Variants in CALCR observed in about 807,000 individuals in gnomAD.
The protein encoded by CALCR is calcitonin receptor.
In CALCR, 47 loss-of-function variants were observed where a neutral mutation model predicts 59.5. The observed-to-expected ratio is 0.79, with a 90% confidence interval of 0.63 to 1.01. CALCR has a LOEUF of 1.01. Among genes scored for constraint, CALCR ranks in the 50% least tolerant of loss-of-function variants. The probability of loss-of-function intolerance (pLI) is 0.00; values close to 1 mark genes in which losing one functional copy is unlikely to be tolerated. For missense variants in CALCR, 566 were observed against 597.1 expected (o/e 0.95, Z 0.54); for synonymous variants, 213 against 211.3 (o/e 1.01, Z -0.07).
At chr7:93,487,082 T>C in intron 2 of CALCR, 75 bp from the exon 3 acceptor site, 1 of 796,076 alleles carries the variant, frequency 1.3e-6, no homozygotes, top group Non-Finnish European at 2.1e-6. Flanking sequence ...CATTTTCATT[T>C]TTTCTATTTG....
chr7:93,432,920 A>C (rs1799688258), intron 13 of CALCR, among the ~76,000 whole-genome samples: 1 of 152,212 alleles, frequency 6.6e-6, no homozygotes, highest in Admixed American at 6.5e-5. Context: ...TAAAATTCTA[A>C]AAATATTGCC....
rs114324867 is a variant in CALCR, at chr7:93,511,250, G to A, written c.-26-24243C>T. Among the ~76,000 whole-genome samples, 337 of 152,134 alleles carry A rather than the reference G, an allele frequency of 2.2e-3. 5 individuals are homozygous for A. Among genetic ancestry groups the A allele is most frequent in the African/African-American group, 8.0e-3 (334 of 41,514 alleles). Reference sequence around the variant, plus strand: ...TACTTCTGAGTGGGAAGGAATGAATGGTGGATGAGATTGGAGAAGAATTCA... The same window carrying A: ...TACTTCTGAGTGGGAAGGAATGAATAGTGGATGAGATTGGAGAAGAATTCA... On this transcript the variant is annotated intron_variant, in intron 2 of 13. Transcript: ENST00000426151.
At chr7:93,463,294 C>T (rs1220908905) in intron 7 of CALCR, among the ~76,000 whole-genome samples, 3 of 151,500 alleles carry the variant, frequency 2.0e-5, no homozygotes, top group African/African-American at 7.3e-5. Flanking sequence ...AGTACTGTAT[C>T]TCTCTATATA....
At chr7:93,565,316 A>G (rs532636897) in intron 2 of CALCR, among the ~76,000 whole-genome samples, 74 of 152,346 alleles carry the variant, frequency 4.9e-4, no homozygotes, top group African/African-American at 1.7e-3. Context: ...GATATATAGC[A>G]TTACTTCAAA....
intron 8 of CALCR, among the ~76,000 whole-genome samples, chr7:93,460,398 A>T (rs1800290858): frequency 6.6e-6 from 1 of 151,192 alleles, no homozygotes; most frequent in Non-Finnish European, 1.5e-5. Context: ...TACTAAAAAT[A>T]CAAAAAAATT....
intron 8 of CALCR, among the ~76,000 whole-genome samples, chr7:93,458,044 T>C (rs1300500119): frequency 6.6e-6 from 1 of 152,132 alleles, no homozygotes. Context: ...AAGATTAAAT[T>C]AGAGATAAAT....
intron 2 of CALCR, among the ~76,000 whole-genome samples, chr7:93,570,841 A>G (rs771063726): frequency 6.6e-6 from 1 of 152,178 alleles, no homozygotes; most frequent in Non-Finnish European, 1.5e-5. Flanking sequence ...TTTTCTTAAA[A>G]ACAAAACCAA....
chr7:93,445,949 C>T (rs535468335), intron 8 of CALCR, among the ~76,000 whole-genome samples: 4 of 152,034 alleles, frequency 2.6e-5, no homozygotes, highest in East Asian at 1.9e-4. Flanking sequence ...GACATTTGTT[C>T]GTAGTATGAG....
intron 2 of CALCR, among the ~76,000 whole-genome samples, chr7:93,567,257 T>G (rs1339297570): frequency 6.6e-6 from 1 of 152,170 alleles, no homozygotes; most frequent in Non-Finnish European, 1.5e-5. Context: ...GTTGATAACT[T>G]AAAACAAGAA....
Position 93,426,287 on chromosome 7 carries a change from CTTTAAAT to C in CALCR, c.*62_*68del. 1 of 878,478 alleles carries C rather than the reference CTTTAAAT, an allele frequency of 1.1e-6. No individual in the cohort carries two copies. The highest frequency in any genetic ancestry group is 1.9e-6 in the Non-Finnish European group (1 of 518,002). The allele number at this position is 878,478 out of a possible 1,614,324, so 54.4% of individuals were successfully genotyped here. On this transcript the variant is annotated 3_prime_UTR_variant, in exon 14 of 14. Coordinates refer to ENST00000426151, the MANE Select transcript of CALCR (RefSeq NM_001742.4). ...TCGGTTCCTGGGAGGATGGAGAATA[CTTTAAAT>C]GCATGGTCTTTCTCCCAGGAAATGA... is the stretch of plus-strand genomic sequence containing the variant.
intron 12 of CALCR, among the ~76,000 whole-genome samples, chr7:93,435,431 A>G (rs1799751084): frequency 6.6e-6 from 1 of 152,168 alleles, no homozygotes; most frequent in African/African-American, 2.4e-5. Context: ...GCACAGAAAG[A>G]AACAGCAACA....
chr7:93,488,582 GAAA>G (rs1554401502), intron 2 of CALCR, among the ~76,000 whole-genome samples: 3 of 78,040 alleles, frequency 3.8e-5, no homozygotes, highest in African/African-American at 1.0e-4. Flanking sequence ...CAAATGGAAA[GAAA>G]AAAAAAAAAA....
At chr7:93,511,215 CAAGTT>C (rs1801539978) in intron 2 of CALCR, among the ~76,000 whole-genome samples, 1 of 151,714 alleles carries the variant, frequency 6.6e-6, no homozygotes, top group Admixed American at 6.6e-5. Context: ...TCTAGAATAA[CAAGTT>C]AAGTTACTTC....
At chr7:93,571,122 T>C (rs1789994588) in intron 2 of CALCR, among the ~76,000 whole-genome samples, 1 of 152,204 alleles carries the variant, frequency 6.6e-6, no homozygotes, top group South Asian at 2.1e-4. Context: ...AGTATCATTA[T>C]GAAAACACAA....
intron 3 of CALCR, among the ~76,000 whole-genome samples, chr7:93,485,045 G>A (rs1031198479): frequency 1.3e-5 from 2 of 151,658 alleles, no homozygotes; most frequent in African/African-American, 2.4e-5. Context: ...GTAATATTTC[G>A]GATTAATTAG....
chr7:93,453,040 T>C (rs535679619), intron 8 of CALCR, among the ~76,000 whole-genome samples: 11 of 152,008 alleles, frequency 7.2e-5, no homozygotes, highest in Non-Finnish European at 1.5e-4. Context: ...CATATGTGTA[T>C]TCTACTTTTA....
intron 12 of CALCR, 94 bp from the exon 13 acceptor site, chr7:93,434,388 T>TTA (rs1799727543): frequency 2.7e-5 from 15 of 545,688 alleles, no homozygotes; most frequent in South Asian, 5.4e-5. Context: ...GAAGGCCTGA[T>TTA]GAAAAAAAAA....
rs34181575 is a variant in CALCR at position 93,507,231 on chromosome 7, A to AACAC, written c.-26-20228_-26-20225dup. ...GGAGGCCCAGAATACTTCCTTGTTG[A>AACAC]ACACACACACACACACACACACACG... On this transcript the variant is annotated intron_variant, in intron 2 of 13. Coordinates refer to ENST00000426151, the MANE Select transcript of CALCR (RefSeq NM_001742.4). Among the ~76,000 whole-genome samples, 642 of 149,936 alleles carry AACAC rather than the reference A, an allele frequency of 4.3e-3. 3 individuals carry two copies. Among genetic ancestry groups the AACAC allele is most frequent in the Middle Eastern group, 0.014 (4 of 284 alleles).
At chr7:93,436,719 A>G (rs149938385) in intron 11 of CALCR, among the ~76,000 whole-genome samples, 4 of 152,314 alleles carry the variant, frequency 2.6e-5, no homozygotes, top group Non-Finnish European at 5.9e-5. Flanking sequence ...GATACTCAAC[A>G]TAATGTGTCT....
Sources: gnomAD v4.1 joint callset for allele counts (sites outside exome capture counted in the v4.1 genomes callset) on GRCh38, gnomAD v4.1.1 for gene constraint, MANE v1.5 for transcripts, NCBI Gene and HGNC (gene_info 2026-07-23, HGNC 2026-07-21) for gene names.